MPP3: variants seen among roughly 807,000 people sequenced by gnomAD.
The protein encoded by MPP3 is MAGUK p55 scaffold protein 3, also known as MAGUK p55 subfamily member 3.
A neutral mutation model predicts 80.7 loss-of-function variants in MPP3; 48 were observed. The observed-to-expected ratio is 0.59, with a 90% CI of 0.47 to 0.76. The LOEUF (loss-of-function observed/expected upper bound fraction) is 0.76. Ranked by LOEUF, MPP3 falls within the 30% of genes least tolerant of loss-of-function variation. The pLI, the probability that MPP3 is intolerant of heterozygous loss-of-function variation, is 0.00. For missense variants in MPP3, 620 were observed against 763.0 expected (o/e 0.81, Z 2.21); for synonymous variants, 311 against 297.6 (o/e 1.04, Z -0.46).
intron 16 of MPP3, among the ~76,000 whole-genome samples, chr17:43,812,510 G>A (rs1440460543): frequency 2.0e-5 from 3 of 152,004 alleles, no homozygotes; most frequent in Non-Finnish European, 4.4e-5. Flanking sequence ...TAATCTCCCC[G>A]GTCCCCAACA....
chr17:43,829,037 G>A (rs1043473360), intron 7 of MPP3, among the ~76,000 whole-genome samples: 2 of 152,176 alleles, frequency 1.3e-5, no homozygotes, highest in African/African-American at 4.8e-5. Context: ...TCAATTCTCT[G>A]GGCTTCCACC....
chr17:43,824,533 C>T (rs1377801417), intron 9 of MPP3, among the ~76,000 whole-genome samples: 2 of 152,022 alleles, frequency 1.3e-5, no homozygotes. Context: ...TCCCTTCACC[C>T]TCATCTACAG....
rs771644964 is a variant in MPP3, at chr17:43,810,883, A to C, written c.1382T>G (p.Leu461Arg). Reference protein sequence around the residue: ...FLEHGEYKENLYGTSLEAIQA... With the variant: ...FLEHGEYKENRYGTSLEAIQA... Reference sequence around the variant, plus strand: ...AATGGCCTCCAGGCTGGTTCCATACAGATTTTCCTTATATTCACCATGTTC... The same window carrying C: ...AATGGCCTCCAGGCTGGTTCCATACCGATTTTCCTTATATTCACCATGTTC... The change falls in exon 18 of 20, where the codon CTG becomes CGG. Residue 461 changes from leucine (L) to arginine (R), a missense_variant. By Grantham distance (102) the Leu-to-Arg change is moderately radical. Coordinates refer to ENST00000398389, the MANE Select transcript of MPP3 (RefSeq NM_001932.6). The C allele has an allele frequency of 7.5e-6, 12 of 1,609,288 alleles. No individual in the cohort carries two copies. Among genetic ancestry groups the C allele is most frequent in the Non-Finnish European group, 1.0e-5 (12 of 1,178,816 alleles).
intron 6 of MPP3, 86 bp downstream of exon 6, chr17:43,829,941 A>G (rs759195828): frequency 6.5e-6 from 10 of 1,544,238 alleles, no homozygotes; most frequent in Non-Finnish European, 8.0e-6. Flanking sequence ...CTCAGTCTCC[A>G]CTCCTCAGCC....
intron 15 of MPP3, 49 bp from the exon 16 acceptor site, chr17:43,814,140 C>T (rs1224442837): frequency 6.2e-7 from 1 of 1,605,222 alleles, no homozygotes; most frequent in Non-Finnish European, 8.5e-7. Context: ...AGCTCCCTCC[C>T]CACCTGCTCC....
intron 5 of MPP3, 64 bp from the exon 6 acceptor site, chr17:43,830,171 C>T: frequency 7.7e-7 from 1 of 1,291,548 alleles, no homozygotes; most frequent in Admixed American, 2.9e-5. Flanking sequence ...TCTGCTGGGT[C>T]CTTCCTCTTT....
At chr17:43,832,246 A>G (rs1439684055) in intron 2 of MPP3, 1 of 395,242 alleles carries the variant, frequency 2.5e-6, no homozygotes, top group Non-Finnish European at 4.5e-6. Context: ...GGAAGCTTTC[A>G]GTAAGCTGTG....
In MPP3 at chr17:43,826,711, G is replaced by A. The variant is rs114698776; in HGVS notation, c.524-870C>T. On this transcript the variant is annotated intron_variant, in intron 8 of 19. Transcript: ENST00000398389. Reference sequence around the variant, plus strand: ...GGAAGGGTGTCAACCCTGTCCCACAGTTAGTAATCCCGCAAGCCCATGCTA... The same window carrying A: ...GGAAGGGTGTCAACCCTGTCCCACAATTAGTAATCCCGCAAGCCCATGCTA... 4.1e-3 allele frequency among the ~76,000 whole-genome samples: 624 copies of A among 152,228 alleles called. 3 individuals carry two copies. The highest frequency in any genetic ancestry group is 0.014 in the African/African-American group (595 of 41,514).
At position 43,808,986 on chromosome 17, in the gene MPP3, G is replaced by A. The variant is rs2044732127; in HGVS notation, c.1551C>T (p.Ser517=). ...IQEKRKTPPM[S]PACEDTAAPF... ...GGGCTGCTGTGTCCTCACAAGCTGG[G>A]GACATAGGTGGCGTTTTTCTTTTTT... The change falls in exon 19 of 20, where the codon TCC becomes TCT. Residue 517 remains serine (S), a synonymous_variant. Transcript: ENST00000398389. The A allele has an allele frequency of 6.8e-6, 11 of 1,610,016 alleles. No individual in the cohort carries two copies. Among genetic ancestry groups the A allele is most frequent in the Non-Finnish European group, 9.3e-6 (11 of 1,179,060 alleles).
chr17:43,823,796 G>A (rs2045569642), intron 10 of MPP3, 135 bp downstream of exon 10: 2 of 630,970 alleles, frequency 3.2e-6, no homozygotes, highest in Admixed American at 3.2e-5. Context: ...CCTCCACTGG[G>A]CACAGATTAC....
Position 43,801,665 on chromosome 17 carries a change from C to G in MPP3, c.*36G>C. On this transcript the variant is annotated 3_prime_UTR_variant, in exon 20 of 20. Coordinates refer to ENST00000398389, the MANE Select transcript of MPP3 (RefSeq NM_001932.6). ...GAGGGAGTCTGGACTAGATGATCTT[C>G]AAGGTCCCGTCCAGCTTGGATGTTC... The G allele has an allele frequency of 6.2e-7, 1 of 1,602,044 alleles. No homozygotes were observed. The highest frequency in any genetic ancestry group is 8.5e-7 in the Non-Finnish European group (1 of 1,169,942).
At chr17:43,830,732 C>T (rs969625129) in intron 5 of MPP3, among the ~76,000 whole-genome samples, 6 of 152,214 alleles carry the variant, frequency 3.9e-5, no homozygotes, top group Non-Finnish European at 7.3e-5. Context: ...TATTCAGGAA[C>T]TGATCTTAGT....
chr17:43,809,298 C>T (rs2044746658), intron 18 of MPP3, among the ~76,000 whole-genome samples: 1 of 152,204 alleles, frequency 6.6e-6, no homozygotes, highest in Admixed American at 6.5e-5. Context: ...TGAAGTCACA[C>T]TCACTGCCAA....
At position 43,808,982 on chromosome 17, in the gene MPP3, C is replaced by T. The variant is rs189637499; in HGVS notation, c.1555G>A (p.Ala519Thr). The T allele has an allele frequency of 6.2e-7, 1 of 1,608,744 alleles. No individual in the cohort carries two copies. The highest frequency in any genetic ancestry group is 2.2e-5 in the East Asian group (1 of 44,870). Residue 519 changes from alanine to threonine, a missense_variant, in exon 19 of 20, where the codon GCT becomes ACT. Coordinates refer to ENST00000398389, the MANE Select transcript of MPP3 (RefSeq NM_001932.6). The part of the protein sequence containing the change: ...EKRKTPPMSP[A>T]CEDTAAPFDE... ...AATGGGGCTGCTGTGTCCTCACAAGCTGGGGACATAGGTGGCGTTTTTCTT... is the reference window on the plus strand; with the variant it reads ...AATGGGGCTGCTGTGTCCTCACAAGTTGGGGACATAGGTGGCGTTTTTCTT...
At chr17:43,804,379 A>G (rs563806477) in intron 19 of MPP3, among the ~76,000 whole-genome samples, 2 of 152,328 alleles carry the variant, frequency 1.3e-5, no homozygotes, top group East Asian at 1.9e-4. Flanking sequence ...GAGACTCCAG[A>G]AAGAAACCCT....
rs1356140531 is a variant in MPP3, at chr17:43,816,030, C to T, written c.1009+8G>A. 2.0e-6 allele frequency: 3 copies of T among 1,493,902 alleles called. No homozygotes were observed. In the African/African-American group the frequency reaches 4.3e-5, roughly 22 times the overall value. 92.5% of individuals were successfully genotyped at this position (1,493,902 alleles called of 1,614,324 possible). ...TCGTGCATGTGGGTGTCAGGGGGAG[C>T]TACTTACCCACATAGTGCCCTTTGA... On this transcript the variant is annotated splice_region_variant and intron_variant, in intron 14 of 19. Coordinates refer to ENST00000398389, the MANE Select transcript of MPP3 (RefSeq NM_001932.6).
chr17:43,800,955 G>A lies in MPP3; in HGVS notation c.*746C>T, dbSNP rs1041886014. The A allele has an allele frequency of 6.6e-6, 1 of 152,108 alleles. No homozygotes were observed. Among genetic ancestry groups the A allele is most frequent in the Non-Finnish European group, 1.5e-5 (1 of 68,046 alleles). 9.4% of individuals were successfully genotyped at this position (152,108 alleles called of 1,614,324 possible). ...ATGGCAGGGACTGGCTAGGACCAAGGCAACTGTCAGTAACAAAAGGGACAA... is the reference window on the plus strand; with the variant it reads ...ATGGCAGGGACTGGCTAGGACCAAGACAACTGTCAGTAACAAAAGGGACAA... On this transcript the variant is annotated 3_prime_UTR_variant, in exon 20 of 20. Coordinates refer to ENST00000398389, the MANE Select transcript of MPP3 (RefSeq NM_001932.6).
In MPP3 at chr17:43,801,840, A is replaced by G. The variant is rs773262175; in HGVS notation, c.1619T>C (p.Phe540Ser). ...CAGGTGCCCGTAATGCCGGTCTATG[A>G]AGGCGGCAGAAGCGGCCATCTCTTG... is the stretch of plus-strand genomic sequence containing the variant. The part of the protein sequence containing the change: ...QQQEMAASAA[F>S]IDRHYGHLVD... The change falls in exon 20 of 20, where the codon TTC (phenylalanine) becomes TCC (serine). Residue 540 changes from phenylalanine to serine, a missense_variant. Physicochemically the swap from Phe to Ser is radical, Grantham distance 155. Transcript: ENST00000398389. 3 of 1,613,596 alleles carry G rather than the reference A, an allele frequency of 1.9e-6. No homozygotes were observed. Among genetic ancestry groups the G allele is most frequent in the Non-Finnish European group, 2.5e-6 (3 of 1,179,850 alleles).
chr17:43,808,738 C>A (rs2044722214), intron 19 of MPP3, among the ~76,000 whole-genome samples: 1 of 152,194 alleles, frequency 6.6e-6, no homozygotes, highest in Non-Finnish European at 1.5e-5. Context: ...AAGCCACCTG[C>A]CTGGTTTGGG....
Sources: gnomAD v4.1 joint callset for allele counts (sites outside exome capture counted in the v4.1 genomes callset) on GRCh38, gnomAD v4.1.1 for gene constraint, MANE v1.5 for transcripts, NCBI Gene and HGNC (gene_info 2026-07-23, HGNC 2026-07-21) for gene names.